Variants in PRELID2 observed in about 807,000 individuals in gnomAD.
PRELID2 encodes PRELI domain containing 2.
PRELID2 carries 25 observed loss-of-function variants against 28.4 expected under a neutral mutation model. The observed-to-expected ratio is 0.88, with a 90% CI of 0.64 to 1.23. PRELID2 has a LOEUF of 1.23. Ranked by LOEUF, PRELID2 falls within the 50% of genes most tolerant of loss-of-function variation. PRELID2 has a pLI of 0.00. For missense variants in PRELID2, 201 were observed against 214.4 expected, an observed-to-expected ratio of 0.94 and a Z score of 0.39; for synonymous variants, 76 against 71.6, an observed-to-expected ratio of 1.06 and a Z score of -0.31.
At chr5:145,808,810 G>A (rs1429375221) in intron 4 of PRELID2, among the ~76,000 whole-genome samples, 5 of 151,954 alleles carry the variant, frequency 3.3e-5, no homozygotes, top group African/African-American at 7.2e-5. Context: ...CTTGAGCCCC[G>A]AAGTTCAAGG....
intron 1 of PRELID2, among the ~76,000 whole-genome samples, chr5:145,709,497 G>A (rs553523416): frequency 1.3e-5 from 2 of 151,858 alleles, no homozygotes; most frequent in South Asian, 2.1e-4. Context: ...ACTGGCCTTC[G>A]CTAATCGAGT....
At chr5:145,820,715 G>C (rs13355847) in intron 2 of PRELID2, among the ~76,000 whole-genome samples, 1 of 152,176 alleles carries the variant, frequency 6.6e-6, no homozygotes, top group Non-Finnish European at 1.5e-5. Context: ...ATTCGACTGA[G>C]GGGCATAAGG....
chr5:145,591,614 G>A (rs1483598017), intron 1 of PRELID2, among the ~76,000 whole-genome samples: 1 of 152,092 alleles, frequency 6.6e-6, no homozygotes, highest in African/African-American at 2.4e-5. Flanking sequence ...AGGCTTCACT[G>A]ATTACTCAAA....
chr5:145,344,629 T>C, the PRELID2 span, among the ~76,000 whole-genome samples: 1 of 152,036 alleles, frequency 6.6e-6, no homozygotes, highest in Non-Finnish European at 1.5e-5. Flanking sequence ...ACTGTATACA[T>C]AATGTAAAAT....
At chr5:145,742,137 A>T (rs567599011) in intron 1 of PRELID2, among the ~76,000 whole-genome samples, 5 of 5,578 alleles carry the variant, frequency 9.0e-4, no homozygotes, top group Admixed American at 2.7e-3. Flanking sequence ...ATTATAAATA[A>T]ATAAATTTAT....
chr5:145,597,630 A>G (rs1753328683), intron 1 of PRELID2, among the ~76,000 whole-genome samples: 1 of 152,160 alleles, frequency 6.6e-6, no homozygotes, highest in Non-Finnish European at 1.5e-5. Context: ...TCTCACCCAG[A>G]CAAACATACT....
chr5:145,593,857 A>G (rs933936824), intron 1 of PRELID2, among the ~76,000 whole-genome samples: 2 of 152,208 alleles, frequency 1.3e-5, no homozygotes, highest in African/African-American at 4.8e-5. Flanking sequence ...CTATGACCTT[A>G]TTTGGATCCA....
At chr5:145,496,140 A>G (rs1265922737) in intron 1 of PRELID2, among the ~76,000 whole-genome samples, 1 of 152,202 alleles carries the variant, frequency 6.6e-6, no homozygotes, top group Non-Finnish European at 1.5e-5. Flanking sequence ...ATCTACCTTT[A>G]TGTCTTTATA....
chr5:145,803,403 T>TCACACA (rs150866010), intron 4 of PRELID2, among the ~76,000 whole-genome samples: 202 of 150,620 alleles, frequency 1.3e-3, no homozygotes, highest in Non-Finnish European at 1.7e-3. Context: ...ACGTGTAAAA[T>TCACACA]CACACACACA....
the PRELID2 span, among the ~76,000 whole-genome samples, chr5:145,361,395 T>C: frequency 2.0e-5 from 3 of 152,188 alleles, no homozygotes; most frequent in East Asian, 1.9e-4. Context: ...ATTTTCATGA[T>C]GCTCCCCGAA....
At chr5:145,619,305 G>A (rs1482364564) in intron 1 of PRELID2, among the ~76,000 whole-genome samples, 1 of 152,162 alleles carries the variant, frequency 6.6e-6, no homozygotes, top group Non-Finnish European at 1.5e-5. Context: ...CTGTGGCCAC[G>A]CTCCCAAAGG....
At chr5:145,578,565 A>C (rs182583695) in intron 1 of PRELID2, among the ~76,000 whole-genome samples, 2 of 152,110 alleles carry the variant, frequency 1.3e-5, no homozygotes, top group African/African-American at 4.8e-5. Flanking sequence ...TGTCCTGGGC[A>C]GTCCCTGCTG....
intron 1 of PRELID2, among the ~76,000 whole-genome samples, chr5:145,545,579 G>A (rs1243578051): frequency 6.6e-6 from 1 of 151,858 alleles, no homozygotes; most frequent in East Asian, 1.9e-4. Context: ...CTTTTTTTGT[G>A]GAAGAATTTA....
chr5:145,772,807 T>C (rs1163844661), intron 5 of PRELID2, among the ~76,000 whole-genome samples: 3 of 152,198 alleles, frequency 2.0e-5, no homozygotes, highest in African/African-American at 7.2e-5. Flanking sequence ...GCCTAATAAA[T>C]AAGTCAGGTA....
the PRELID2 span, among the ~76,000 whole-genome samples, chr5:145,383,281 A>T: frequency 6.6e-6 from 1 of 151,670 alleles, no homozygotes; most frequent in Non-Finnish European, 1.5e-5. Context: ...ATATACACAC[A>T]TACGTACATA....
intron 1 of PRELID2, among the ~76,000 whole-genome samples, chr5:145,643,073 G>A (rs533929840): frequency 2.0e-4 from 30 of 152,264 alleles, no homozygotes; most frequent in African/African-American, 6.3e-4. Context: ...GTAGCTTGAC[G>A]GGGATAGCAT....
chr5:145,639,021 C>A (rs1482662017), intron 1 of PRELID2, among the ~76,000 whole-genome samples: 6 of 152,008 alleles, frequency 3.9e-5, no homozygotes. Flanking sequence ...TATTTTGGAC[C>A]TAAGAGTATA....
chr5:145,518,344 T>G (rs1736508464), intron 1 of PRELID2, among the ~76,000 whole-genome samples: 1 of 151,846 alleles, frequency 6.6e-6, no homozygotes, highest in South Asian at 2.1e-4. Context: ...GGACTACAGG[T>G]GTGCACCACC....
the PRELID2 span, among the ~76,000 whole-genome samples, chr5:145,347,467 G>T: frequency 6.6e-6 from 1 of 152,122 alleles, no homozygotes; most frequent in African/African-American, 2.4e-5. Context: ...CAAAAATAGG[G>T]CAGATGCTAT....
Sources: gnomAD v4.1 joint callset for allele counts (sites outside exome capture counted in the v4.1 genomes callset) on GRCh38, gnomAD v4.1.1 for gene constraint, MANE v1.5 for transcripts, NCBI Gene and HGNC (gene_info 2026-07-23, HGNC 2026-07-21) for gene names.